The following MAP4K3 variants were observed in gnomAD, a reference collection of about 807,000 sequenced individuals.
MAP4K3 encodes mitogen-activated protein kinase kinase kinase kinase 3, also known as MAPK/ERK kinase kinase kinase 3.
Under a neutral mutation model 143.5 loss-of-function variants are expected in MAP4K3, and 94 were observed. The observed-to-expected ratio is 0.65, with a 90% CI of 0.55 to 0.78. The LOEUF (loss-of-function observed/expected upper bound fraction) is 0.78. Ranked by LOEUF, MAP4K3 falls within the 30% of genes least tolerant of loss-of-function variation. The pLI is 0.00. For synonymous variants in MAP4K3, 416 were observed against 347.2 expected (o/e 1.20, Z -2.20); for missense variants, 1,077 against 1,068.1 (o/e 1.01, Z -0.12).
intron 12 of MAP4K3, among the ~76,000 whole-genome samples, chr2:39,317,339 G>A (rs1354608150): frequency 6.6e-6 from 1 of 152,112 alleles, no homozygotes; most frequent in Non-Finnish European, 1.5e-5. Context: ...TACCATTCCA[G>A]ACATAGACAT....
intron 1 of MAP4K3, among the ~76,000 whole-genome samples, chr2:39,392,170 C>G (rs1489827571): frequency 9.2e-6 from 1 of 108,948 alleles, no homozygotes; most frequent in Non-Finnish European, 1.8e-5. Flanking sequence ...GGCAACAGAA[C>G]GACACTCCTA....
At chr2:39,319,884 T>G (rs1683247664) in intron 12 of MAP4K3, among the ~76,000 whole-genome samples, 1 of 152,212 alleles carries the variant, frequency 6.6e-6, no homozygotes, top group African/African-American at 2.4e-5. Flanking sequence ...TGAAAGCTAG[T>G]GTATTCAAAC....
chr2:39,352,539 A>G (rs1665490292), intron 3 of MAP4K3, among the ~76,000 whole-genome samples: 1 of 152,246 alleles, frequency 6.6e-6, no homozygotes, highest in Admixed American at 6.5e-5. Flanking sequence ...ATACACAAAC[A>G]TATATATTCA....
intron 16 of MAP4K3, among the ~76,000 whole-genome samples, chr2:39,299,448 T>A (rs1682419851): frequency 6.6e-6 from 1 of 152,182 alleles, no homozygotes; most frequent in Non-Finnish European, 1.5e-5. Flanking sequence ...AACAGATCAG[T>A]TTTAGAAATA....
intron 13 of MAP4K3, among the ~76,000 whole-genome samples, chr2:39,313,238 G>A (rs1239387121): frequency 6.6e-6 from 1 of 152,016 alleles, no homozygotes; most frequent in African/African-American, 2.4e-5. Flanking sequence ...TTTTATTTTA[G>A]GTTCAGGGTA....
intron 2 of MAP4K3, among the ~76,000 whole-genome samples, chr2:39,369,632 T>C (rs564428965): frequency 6.6e-6 from 1 of 152,200 alleles, no homozygotes; most frequent in South Asian, 2.1e-4. Context: ...CATTCTCTTA[T>C]TCTACTAGCA....
intron 12 of MAP4K3, among the ~76,000 whole-genome samples, chr2:39,322,860 G>C (rs1486593539): frequency 6.6e-6 from 1 of 151,826 alleles, no homozygotes; most frequent in Non-Finnish European, 1.5e-5. Flanking sequence ...AGTAGAGACG[G>C]GGTTTCACCA....
intron 1 of MAP4K3, among the ~76,000 whole-genome samples, chr2:39,408,292 A>C (rs1436092360): frequency 6.6e-6 from 1 of 152,186 alleles, no homozygotes; most frequent in Non-Finnish European, 1.5e-5. Context: ...AGATCCCAGG[A>C]GTTCAACACT....
chr2:39,403,897 T>C (rs1298320440), intron 1 of MAP4K3, among the ~76,000 whole-genome samples: 1 of 151,130 alleles, frequency 6.6e-6, no homozygotes. Flanking sequence ...TCAGCCACAC[T>C]AGGATATAAG....
chr2:39,302,148 A>G (rs879331464), intron 15 of MAP4K3, among the ~76,000 whole-genome samples: 2 of 152,210 alleles, frequency 1.3e-5, no homozygotes, highest in Admixed American at 6.5e-5. Context: ...AATTGAGCAT[A>G]GGCTCATATA....
intron 6 of MAP4K3, among the ~76,000 whole-genome samples, chr2:39,334,127 C>T (rs1213165993): frequency 6.6e-6 from 1 of 151,996 alleles, no homozygotes; most frequent in Admixed American, 6.6e-5. Context: ...TGCTTAGGCC[C>T]ATCCAGTACA....
chr2:39,399,513 G>A (rs1309396363), intron 1 of MAP4K3, among the ~76,000 whole-genome samples: 1 of 152,204 alleles, frequency 6.6e-6, no homozygotes, highest in African/African-American at 2.4e-5. Context: ...GTGACCTGGA[G>A]TTTTGTTCAA....
intron 13 of MAP4K3, among the ~76,000 whole-genome samples, chr2:39,311,269 G>A (rs1682928030): frequency 6.6e-6 from 1 of 152,100 alleles, no homozygotes; most frequent in Admixed American, 6.5e-5. Context: ...AGTAGAGATG[G>A]GCTTTCACCA....
At chr2:39,296,450 C>T (rs1270871143) in intron 16 of MAP4K3, among the ~76,000 whole-genome samples, 1 of 152,018 alleles carries the variant, frequency 6.6e-6, no homozygotes, top group Non-Finnish European at 1.5e-5. Context: ...AATAACAAAA[C>T]AAAACAAAAA....
intron 29 of MAP4K3, 146 bp downstream of exon 29, chr2:39,260,460 G>A (rs1680521532): frequency 1.5e-6 from 1 of 675,188 alleles, no homozygotes; most frequent in Non-Finnish European, 2.5e-6. Flanking sequence ...ATTTTAAAGA[G>A]AGTAATCTTC....
At chr2:39,283,573 A>T (rs572714962) in intron 21 of MAP4K3, 3 of 152,250 alleles carry the variant, frequency 2.0e-5, no homozygotes, top group Non-Finnish European at 4.4e-5. Context: ...CCTTGTGTAG[A>T]TAATCTTCAC....
At chr2:39,295,241 GA>G (rs1355659066) in intron 16 of MAP4K3, among the ~76,000 whole-genome samples, 5 of 152,002 alleles carry the variant, frequency 3.3e-5, no homozygotes, top group African/African-American at 1.2e-4. Flanking sequence ...GGTGTTTTAA[GA>G]AACCACTGTG....
intron 1 of MAP4K3, among the ~76,000 whole-genome samples, chr2:39,432,670 A>T (rs144211703): frequency 4.6e-5 from 7 of 152,246 alleles, no homozygotes; most frequent in Non-Finnish European, 1.0e-4. Context: ...TGGAAGAATT[A>T]GTCTATGATG....
chr2:39,266,676 C>T (rs141816639), intron 27 of MAP4K3, among the ~76,000 whole-genome samples: 25 of 152,034 alleles, frequency 1.6e-4, no homozygotes, highest in South Asian at 6.2e-4. Flanking sequence ...ATGTGTTTAT[C>T]GTCCCTTTTA....
Sources: allele counts gnomAD v4.1 joint callset (sites outside exome capture counted in the v4.1 genomes callset), GRCh38; gene constraint gnomAD v4.1.1; transcripts MANE v1.5; gene names NCBI Gene and HGNC (gene_info 2026-07-23, HGNC 2026-07-21).